Variants in SLC28A3 observed in about 807,000 individuals in gnomAD.
SLC28A3 encodes the protein concentrative Na(+)-nucleoside cotransporter 3.
Under a neutral mutation model 84.2 loss-of-function variants are expected in SLC28A3, and 68 were observed. The observed-to-expected ratio is 0.81, with a 90% CI of 0.66 to 0.99. The LOEUF (loss-of-function observed/expected upper bound fraction) is 0.99. SLC28A3 is among the 50% of genes least tolerant of loss of function. The pLI is 0.00. For missense variants in SLC28A3, 712 were observed against 841.5 expected (o/e 0.85, Z 1.90); for synonymous variants, 267 against 303.6 (o/e 0.88, Z 1.25).
intron 1 of SLC28A3, 147 bp downstream of exon 1, chr9:84,340,427 A>G (rs1054759013): frequency 1.2e-6 from 1 of 800,798 alleles, no homozygotes; most frequent in African/African-American, 1.7e-5. Context: ...AGAGCCCAAG[A>G]AGAAAAAATA....
chr9:84,305,077 A>T (rs1825744831), intron 4 of SLC28A3, among the ~76,000 whole-genome samples, 177 bp downstream of exon 4: 1 of 152,100 alleles, frequency 6.6e-6, no homozygotes, highest in South Asian at 2.1e-4. Flanking sequence ...AACAATTTGC[A>T]TAGGCTTCCC....
intron 9 of SLC28A3, among the ~76,000 whole-genome samples, chr9:84,293,426 G>A (rs1039141794): frequency 1.3e-5 from 2 of 152,184 alleles, no homozygotes; most frequent in Non-Finnish European, 1.5e-5. Context: ...AGTTCTTGCT[G>A]TCATTCTGAA....
chr9:84,330,627 TCTA>T (rs1192700798), intron 1 of SLC28A3, among the ~76,000 whole-genome samples: 3 of 152,208 alleles, frequency 2.0e-5, no homozygotes, highest in African/African-American at 7.2e-5. Flanking sequence ...TGATTATGAA[TCTA>T]CTTTTTACAA....
intron 3 of SLC28A3, among the ~76,000 whole-genome samples, chr9:84,306,775 A>G (rs569138706): frequency 7.1e-4 from 108 of 152,220 alleles, no homozygotes; most frequent in African/African-American, 2.3e-3. Context: ...ATGAAATGGG[A>G]GTAAATATTG....
intron 1 of SLC28A3, among the ~76,000 whole-genome samples, chr9:84,334,880 CG>C (rs1432167884): frequency 6.6e-6 from 1 of 152,144 alleles, no homozygotes; most frequent in Non-Finnish European, 1.5e-5. Context: ...TCTGTCCTTT[CG>C]GAGTCTTTTC....
At chr9:84,356,042 C>T in the SLC28A3 span, among the ~76,000 whole-genome samples, 1 of 152,164 alleles carries the variant, frequency 6.6e-6, no homozygotes, top group South Asian at 2.1e-4. Context: ...TGGTCTCAAA[C>T]TCTTGGGCTC....
rs761780118 is a variant in SLC28A3, at chr9:84,279,962, C to T, written c.1828+13G>A. The T allele has an allele frequency of 6.2e-7, 1 of 1,612,650 alleles. No homozygotes were observed. Among genetic ancestry groups the T allele is most frequent in the African/African-American group, 1.3e-5 (1 of 74,902 alleles). ...CCTGTGGGCACTGGGACACAAAGGA[C>T]AGGGTGCGGTACCTGCGATGCAGGC... is the stretch of plus-strand genomic sequence containing the variant. On this transcript the variant is annotated intron_variant, in intron 16 of 17. Transcript: ENST00000376238.
chr9:84,324,904 C>T (rs1436211692), intron 1 of SLC28A3, among the ~76,000 whole-genome samples: 1 of 152,154 alleles, frequency 6.6e-6, no homozygotes, highest in African/African-American at 2.4e-5. Context: ...ATAAAGCAAC[C>T]TTGACTCACA....
chr9:84,313,267 G>T (rs990948599), intron 2 of SLC28A3, 92 bp downstream of exon 2: 10 of 1,058,584 alleles, frequency 9.4e-6, no homozygotes, highest in Non-Finnish European at 1.4e-5. Flanking sequence ...CGTGCCAGTG[G>T]GGCGCCATGC....
At chr9:84,310,469 T>C in intron 2 of SLC28A3, 1 of 985,396 alleles carries the variant, frequency 1.0e-6, no homozygotes, top group Non-Finnish European at 1.2e-6. Context: ...TAACCAATGG[T>C]ACAGAAGCTG....
In SLC28A3 at chr9:84,340,569, C is replaced by A; in HGVS notation, c.60+5G>T. On this transcript the variant is annotated splice_donor_5th_base_variant and intron_variant, in intron 1 of 17. Coordinates refer to ENST00000376238, the MANE Select transcript of SLC28A3 (RefSeq NM_001199633.2). ...CCTTTAACATAAGAGGAAAGCTCTG[C>A]TCACCTGGAAGCCCACGTTGCTGTA... 1 of 1,614,194 alleles carries A rather than the reference C, an allele frequency of 6.2e-7. No individual in the cohort carries two copies. The highest frequency in any genetic ancestry group is 8.5e-7 in the Non-Finnish European group (1 of 1,180,032).
chr9:84,333,718 TTAGGAA>T (rs1185654621), intron 1 of SLC28A3, among the ~76,000 whole-genome samples: 18 of 152,102 alleles, frequency 1.2e-4, no homozygotes, highest in Admixed American at 3.9e-4. Context: ...GTAAAATCAC[TTAGGAA>T]ACCAATCTGA....
chr9:84,337,975 G>A (rs1161670582), intron 1 of SLC28A3, among the ~76,000 whole-genome samples: 1 of 152,166 alleles, frequency 6.6e-6, no homozygotes, highest in African/African-American at 2.4e-5. Flanking sequence ...CATGAAAACA[G>A]CAATTGGTGC....
At position 84,313,378 on chromosome 9, in the gene SLC28A3, T is replaced by C; in HGVS notation, c.137A>G (p.Glu46Gly). 6.2e-7 allele frequency: 1 copy of C among 1,614,132 alleles called. No individual in the cohort carries two copies. Among genetic ancestry groups the C allele is most frequent in the African/African-American group, 1.3e-5 (1 of 75,052 alleles). Residue 46 changes from glutamate (E) to glycine (G), a missense_variant, in exon 2 of 18, where the codon GAG becomes GGG. Glu to Gly is a moderately conservative substitution (Grantham distance 98). Coordinates refer to ENST00000376238, the MANE Select transcript of SLC28A3 (RefSeq NM_001199633.2). ...CTGTACCTGTTTGGTGTTTGTGTGC[T>C]CCCTGCTTTGCACAGCTCTGCTTCT... The part of the protein sequence containing the change: ...SIRSRAVQSR[E>G]HTNTKQDEEQ...
intron 1 of SLC28A3, among the ~76,000 whole-genome samples, chr9:84,334,861 A>G (rs1003827618): frequency 6.6e-6 from 1 of 152,070 alleles, no homozygotes; most frequent in Non-Finnish European, 1.5e-5. Context: ...GCCTCACTCT[A>G]TAGACTCCTC....
the SLC28A3 span, among the ~76,000 whole-genome samples, chr9:84,352,133 T>C: frequency 6.6e-6 from 1 of 152,180 alleles, no homozygotes; most frequent in Admixed American, 6.5e-5. Flanking sequence ...GGTCTCAAAC[T>C]ATATATTATC....
intron 12 of SLC28A3, 47 bp from the exon 13 acceptor site, chr9:84,286,158 G>A: frequency 6.3e-7 from 1 of 1,575,318 alleles, no homozygotes; most frequent in Non-Finnish European, 8.7e-7. Flanking sequence ...AGTTGTCAGG[G>A]GATGGACACC....
intron 1 of SLC28A3, among the ~76,000 whole-genome samples, chr9:84,317,311 C>T (rs1588607917): frequency 6.6e-6 from 1 of 152,134 alleles, no homozygotes; most frequent in East Asian, 1.9e-4. Context: ...TATTAAAAGA[C>T]AAAGGTATAA....
chr9:84,302,652 G>A (rs557294248), intron 4 of SLC28A3, among the ~76,000 whole-genome samples: 9 of 152,296 alleles, frequency 5.9e-5, no homozygotes, highest in Middle Eastern at 6.8e-3. Flanking sequence ...CTGAGTTCTT[G>A]AATCTTGATG....
Sources: gnomAD v4.1 joint callset for allele counts (sites outside exome capture counted in the v4.1 genomes callset) on GRCh38, gnomAD v4.1.1 for gene constraint, MANE v1.5 for transcripts, NCBI Gene and HGNC (gene_info 2026-07-23, HGNC 2026-07-21) for gene names.